The following USP34 variants were observed in gnomAD, a reference collection of about 807,000 sequenced individuals.
The protein encoded by USP34 is ubiquitin specific peptidase 34.
Under a neutral mutation model 460.3 loss-of-function variants are expected in USP34, and 70 were observed. The ratio of observed to expected loss-of-function variants is 0.15; its 90% confidence interval spans 0.13 to 0.19. The LOEUF (loss-of-function observed/expected upper bound fraction) is 0.19, where lower values mean the gene tolerates loss of function less well. Ranked by LOEUF, USP34 falls within the 10% of genes least tolerant of loss-of-function variation. The pLI is 1.00. For missense variants in USP34, 3,985 were observed against 4,236.2 expected (o/e 0.94, Z 1.65); for synonymous variants, 1,647 against 1,405.3 (o/e 1.17, Z -3.85).
At chr2:61,241,315 T>A (rs1226893702) in intron 53 of USP34, among the ~76,000 whole-genome samples, 3 of 152,192 alleles carry the variant, frequency 2.0e-5, no homozygotes. Flanking sequence ...GTGCTGAGAT[T>A]ACAGGCATGA....
chr2:61,469,989 G>A (rs940379926), intron 1 of USP34, among the ~76,000 whole-genome samples: 1 of 152,212 alleles, frequency 6.6e-6, no homozygotes, highest in Non-Finnish European at 1.5e-5. Flanking sequence ...GTGTAGTACA[G>A]TGCTCTGCTT....
intron 1 of USP34, among the ~76,000 whole-genome samples, chr2:61,424,948 T>C (rs1218288484): frequency 6.6e-6 from 1 of 151,992 alleles, no homozygotes; most frequent in African/African-American, 2.4e-5. Context: ...TCCTGCTGAG[T>C]AGCTGGAATT....
At chr2:61,276,621 A>G (rs1689380403) in intron 41 of USP34, among the ~76,000 whole-genome samples, 1 of 152,182 alleles carries the variant, frequency 6.6e-6, no homozygotes. Flanking sequence ...TTTGCTTTAC[A>G]ACGTTATCAG....
intron 1 of USP34, among the ~76,000 whole-genome samples, chr2:61,445,370 C>A (rs1417582867): frequency 2.7e-5 from 4 of 150,648 alleles, no homozygotes; most frequent in Non-Finnish European, 5.9e-5. Context: ...CCCATCTCTA[C>A]GAAAAATACA....
rs1687024696 is a variant in USP34, at chr2:61,203,161, T to C, written c.9487A>G (p.Thr3163Ala). ...CRVAINCEKF[T>A]ETLVKLSVLV... ...TTACTCAGCTTAACTAATGTTTCAG[T>C]AAATTTTTCACAGTTGATTGCAACT... Residue 3163 changes from threonine to alanine, a missense_variant, in exon 75 of 80, where the codon ACT becomes GCT. By Grantham distance (58) the Thr-to-Ala change is moderately conservative. Transcript: ENST00000398571. The C allele has an allele frequency of 1.3e-6, 2 of 1,594,878 alleles. No individual in the cohort carries two copies. Among genetic ancestry groups the C allele is most frequent in the African/African-American group, 2.7e-5 (2 of 73,696 alleles).
At chr2:61,266,315 G>A in intron 41 of USP34, 148 bp from the exon 42 acceptor site, 1 of 738,764 alleles carries the variant, frequency 1.4e-6, no homozygotes, top group Non-Finnish European at 2.1e-6. Context: ...AGTCCTCCGT[G>A]TTCATTTCTC....
At chr2:61,342,130 A>G (rs1191568359) in intron 16 of USP34, among the ~76,000 whole-genome samples, 1 of 152,074 alleles carries the variant, frequency 6.6e-6, no homozygotes, top group Non-Finnish European at 1.5e-5. Flanking sequence ...TTTATGTTCA[A>G]CAGCAAGTTA....
At chr2:61,316,464 T>A (rs928799956) in intron 23 of USP34, among the ~76,000 whole-genome samples, 15 of 150,366 alleles carry the variant, frequency 1.0e-4, no homozygotes, top group Non-Finnish European at 2.1e-4. Context: ...GCATGCCTGT[T>A]GTCCCAGCTA....
chr2:61,233,414 C>G (rs17540852), intron 57 of USP34, among the ~76,000 whole-genome samples: 80,497 of 151,770 alleles, frequency 0.53, 21,592 homozygotes, highest in South Asian at 0.73. Context: ...GAAGACTTAA[C>G]AAACAGATGA....
At chr2:61,210,007 G>A (rs1035921691) in intron 69 of USP34, among the ~76,000 whole-genome samples, 1 of 144,862 alleles carries the variant, frequency 6.9e-6, no homozygotes, top group Non-Finnish European at 1.5e-5. Flanking sequence ...GCTATAAAAT[G>A]TGTGTTTTAA....
intron 21 of USP34, among the ~76,000 whole-genome samples, chr2:61,322,310 C>T (rs551109185): frequency 2.0e-5 from 3 of 152,218 alleles, no homozygotes; most frequent in Non-Finnish European, 4.4e-5. Context: ...CTAAAACAGA[C>T]AACAGCAACA....
intron 16 of USP34, among the ~76,000 whole-genome samples, chr2:61,343,417 G>A (rs1456396694): frequency 6.6e-6 from 1 of 151,970 alleles, no homozygotes; most frequent in Non-Finnish European, 1.5e-5. Flanking sequence ...CCTTCTGCCT[G>A]CAGATTTGCC....
At chr2:61,416,591 A>C (rs1694200473) in intron 2 of USP34, among the ~76,000 whole-genome samples, 1 of 152,144 alleles carries the variant, frequency 6.6e-6, no homozygotes, top group African/African-American at 2.4e-5. Context: ...ACACTTAACA[A>C]CATGAAGAAT....
At chr2:61,297,827 C>G (rs116734549) in intron 29 of USP34, among the ~76,000 whole-genome samples, 2,499 of 152,216 alleles carry the variant, frequency 0.016, 67 homozygotes, top group African/African-American at 0.057. Context: ...ACTGCAACCT[C>G]CGCCTCCCGG....
At chr2:61,462,324 G>A (rs888224987) in intron 1 of USP34, among the ~76,000 whole-genome samples, 6 of 151,846 alleles carry the variant, frequency 4.0e-5, no homozygotes, top group African/African-American at 1.2e-4. Context: ...CGAGGTGGGT[G>A]AATCACTTGA....
intron 10 of USP34, among the ~76,000 whole-genome samples, chr2:61,358,476 A>G (rs1307838800): frequency 6.6e-6 from 1 of 152,120 alleles, no homozygotes; most frequent in African/African-American, 2.4e-5. Context: ...GAGAAAAAAA[A>G]TCAACATGAT....
intron 8 of USP34, among the ~76,000 whole-genome samples, chr2:61,374,159 G>GGAA (rs1278630394): frequency 9.3e-5 from 11 of 117,730 alleles, no homozygotes; most frequent in African/African-American, 1.3e-4. Flanking sequence ...CCATCTCAGG[G>GGAA]AAAAAAAAAA....
At chr2:61,258,011 C>T (rs1213327508) in intron 44 of USP34, among the ~76,000 whole-genome samples, 1 of 152,108 alleles carries the variant, frequency 6.6e-6, no homozygotes, top group Admixed American at 6.5e-5. Flanking sequence ...GTCATTTAAA[C>T]CAGCAATTTT....
At chr2:61,292,796 A>G (rs1689901199) in intron 33 of USP34, among the ~76,000 whole-genome samples, 1 of 152,172 alleles carries the variant, frequency 6.6e-6, no homozygotes, top group African/African-American at 2.4e-5. Context: ...GCAGTTTTGT[A>G]TATCATTATT....
Sources: gnomAD v4.1 joint callset for allele counts (sites outside exome capture counted in the v4.1 genomes callset) on GRCh38, gnomAD v4.1.1 for gene constraint, MANE v1.5 for transcripts, NCBI Gene and HGNC (gene_info 2026-07-23, HGNC 2026-07-21) for gene names.